Variants in EPB41L4B observed in about 807,000 individuals in gnomAD.
EPB41L4B encodes erythrocyte membrane protein band 4.1 like 4B.
In EPB41L4B, 30 loss-of-function variants were observed where a neutral mutation model predicts 112.5. The ratio of observed to expected loss-of-function variants is 0.27; its 90% confidence interval spans 0.20 to 0.36. The LOEUF is 0.36. EPB41L4B is among the 10% of genes least tolerant of loss of function. EPB41L4B has a pLI of 1.00. For missense variants in EPB41L4B, 1,024 were observed against 1,133.3 expected (o/e 0.90, Z 1.38); for synonymous variants, 408 against 439.7 (o/e 0.93, Z 0.90).
In EPB41L4B at chr9:109,258,312, A is replaced by G; in HGVS notation, c.632-15T>C. The stretch of plus-strand genomic sequence containing the variant: ...CCCAAGCTCCGCTGTAAGTTTCATA[A>G]AAGGGAGGAAAATAGGAGACATTGA... On this transcript the variant is annotated splice_polypyrimidine_tract_variant and intron_variant, in intron 6 of 25. Coordinates refer to ENST00000374566, the MANE Select transcript of EPB41L4B (RefSeq NM_019114.5). 6.2e-7 allele frequency: 1 copy of G among 1,608,732 alleles called. No individual in the cohort carries two copies. Among genetic ancestry groups the G allele is most frequent in the Non-Finnish European group, 8.5e-7 (1 of 1,176,542 alleles).
intron 15 of EPB41L4B, chr9:109,239,958 A>T: frequency 1.0e-6 from 1 of 985,432 alleles, no homozygotes; most frequent in Middle Eastern, 5.2e-4. Context: ...AGATGAAGAA[A>T]GGCATCAGCT....
intron 17 of EPB41L4B, among the ~76,000 whole-genome samples, chr9:109,209,400 C>A (rs1376161487): frequency 6.6e-6 from 1 of 151,792 alleles, no homozygotes; most frequent in African/African-American, 2.4e-5. Flanking sequence ...GTGGCTCACA[C>A]TTGTAATCCC....
rs535039767 is a variant in EPB41L4B, at chr9:109,236,417, T to A, written c.1409+7201A>T. 9.3e-5 allele frequency among the ~76,000 whole-genome samples: 14 copies of A among 150,778 alleles called. No individual in the cohort carries two copies. The South Asian group carries it at 2.7e-3, about 29-fold the overall frequency. On this transcript the variant is annotated intron_variant, in intron 15 of 25. Transcript: ENST00000374566. ...TCCATTGACTTAACATTATGCCTAT[T>A]TAAAAAAAAAAAAAAGAGTTGACCT... is the stretch of plus-strand genomic sequence containing the variant.
chr9:109,302,110 G>A (rs1339613825), intron 1 of EPB41L4B, among the ~76,000 whole-genome samples: 1 of 152,286 alleles, frequency 6.6e-6, no homozygotes, highest in South Asian at 2.1e-4. Flanking sequence ...CTGGGTAAAA[G>A]CATGTAAAAA....
intron 1 of EPB41L4B, among the ~76,000 whole-genome samples, chr9:109,307,015 G>GT (rs534923556): frequency 0.56 from 69,140 of 124,450 alleles, 18,512 homozygotes; most frequent in Middle Eastern, 0.69. Context: ...TGCTGCAGTT[G>GT]TTTTTTTTTT....
At chr9:109,193,002 C>T (rs558710232) in intron 21 of EPB41L4B, among the ~76,000 whole-genome samples, 1 of 152,276 alleles carries the variant, frequency 6.6e-6, no homozygotes, top group Admixed American at 6.5e-5. Flanking sequence ...CCTTCTGTTT[C>T]GTAAATGTTT....
Position 109,187,755 on chromosome 9 carries a change from A to G in EPB41L4B, c.2302-2150T>C, listed in dbSNP as rs530123629. ...ACAAATGACCAAGAAACATGGCCAC[A>G]CTGCCTAGAAGCCAAAATGTGTCCT... On this transcript the variant is annotated intron_variant, in intron 22 of 25. Coordinates refer to ENST00000374566, the MANE Select transcript of EPB41L4B (RefSeq NM_019114.5). 7.9e-5 allele frequency among the ~76,000 whole-genome samples: 12 copies of G among 152,344 alleles called. No homozygotes were observed. The South Asian group carries it at 1.0e-3, about 13-fold the overall frequency.
chr9:109,315,523 T>C (rs1434910713), intron 1 of EPB41L4B, among the ~76,000 whole-genome samples: 1 of 152,182 alleles, frequency 6.6e-6, no homozygotes, highest in African/African-American at 2.4e-5. Context: ...GACGTGGGGT[T>C]AGTCTTCCCT....
chr9:109,260,568 C>T (rs1298055875), intron 6 of EPB41L4B, among the ~76,000 whole-genome samples: 2 of 152,094 alleles, frequency 1.3e-5, no homozygotes, highest in African/African-American at 4.8e-5. Context: ...ATGTCCACCA[C>T]CATGCCTGGC....
At chr9:109,307,558 C>T (rs931431230) in intron 1 of EPB41L4B, among the ~76,000 whole-genome samples, 1 of 152,196 alleles carries the variant, frequency 6.6e-6, no homozygotes, top group Non-Finnish European at 1.5e-5. Context: ...GCTGATGCCA[C>T]TCAATACAGA....
At chr9:109,249,369 T>A (rs1377111035) in intron 13 of EPB41L4B, among the ~76,000 whole-genome samples, 1 of 152,064 alleles carries the variant, frequency 6.6e-6, no homozygotes, top group Admixed American at 6.6e-5. Flanking sequence ...CACAATTTCA[T>A]CCACGGCTCC....
At chr9:109,281,844 A>C (rs148836797) in intron 1 of EPB41L4B, among the ~76,000 whole-genome samples, 534 of 152,346 alleles carry the variant, frequency 3.5e-3, no homozygotes, top group Non-Finnish European at 4.7e-3. Context: ...GCAGTTCCAC[A>C]AATGGCTAAA....
At chr9:109,205,374 C>G (rs1003360946) in intron 18 of EPB41L4B, among the ~76,000 whole-genome samples, 1 of 152,180 alleles carries the variant, frequency 6.6e-6, no homozygotes, top group African/African-American at 2.4e-5. Context: ...AGATACTGCA[C>G]TTCTCCAATG....
At chr9:109,208,634 T>G (rs1030685075) in intron 17 of EPB41L4B, among the ~76,000 whole-genome samples, 4 of 152,216 alleles carry the variant, frequency 2.6e-5, no homozygotes, top group African/African-American at 9.6e-5. Context: ...GTGATCCAGT[T>G]AAGGTGAATT....
At chr9:109,197,524 C>T (rs983211886) in intron 20 of EPB41L4B, among the ~76,000 whole-genome samples, 5 of 152,146 alleles carry the variant, frequency 3.3e-5, no homozygotes, top group African/African-American at 1.2e-4. Context: ...CTGGGAAAAT[C>T]TCATCCATGG....
At chr9:109,258,408 C>G (rs1034207209) in intron 6 of EPB41L4B, 111 bp from the exon 7 acceptor site, 1 of 1,116,944 alleles carries the variant, frequency 9.0e-7, no homozygotes, top group African/African-American at 1.5e-5. Context: ...CCCCCCGCCC[C>G]AATGTATAAC....
Position 109,173,611 on chromosome 9 carries a change from C to T in EPB41L4B, c.*943G>A, listed in dbSNP as rs1165729245. 3.9e-5 allele frequency: 6 copies of T among 152,552 alleles called. No homozygotes were observed. The highest frequency in any genetic ancestry group is 2.1e-4 in the South Asian group (1 of 4,828). The allele number at this position is 152,552 out of a possible 1,614,324, so 9.4% of individuals were successfully genotyped here. The stretch of plus-strand genomic sequence containing the variant: ...GAGAAGTAAAACAAAGGAGAATGTA[C>T]ACAACGATCATAGCTATGTAAAAAT... On this transcript the variant is annotated 3_prime_UTR_variant, in exon 26 of 26. Coordinates refer to ENST00000374566, the MANE Select transcript of EPB41L4B (RefSeq NM_019114.5).
At chr9:109,187,159 C>G (rs1434598154) in intron 22 of EPB41L4B, among the ~76,000 whole-genome samples, 1 of 152,096 alleles carries the variant, frequency 6.6e-6, no homozygotes, top group Admixed American at 6.5e-5. Context: ...TCTTTTATCT[C>G]AAGAGAGTTT....
chr9:109,269,926 C>T lies in EPB41L4B; in HGVS notation c.412-1493G>A, dbSNP rs558352215. Among the ~76,000 whole-genome samples the T allele has an allele frequency of 1.2e-4, 19 of 152,262 alleles. No individual in the cohort carries two copies. In the South Asian group the frequency reaches 2.9e-3, roughly 23 times the overall value. The stretch of plus-strand genomic sequence containing the variant: ...GGAAGGGGATAAGGAAACACAAAAG[C>T]GAACAACAGATGATTGATAATACAA... On this transcript the variant is annotated intron_variant, in intron 2 of 25. Coordinates refer to ENST00000374566, the MANE Select transcript of EPB41L4B (RefSeq NM_019114.5).
Sources: gnomAD v4.1 joint callset for allele counts (sites outside exome capture counted in the v4.1 genomes callset) on GRCh38, gnomAD v4.1.1 for gene constraint, MANE v1.5 for transcripts, NCBI Gene and HGNC (gene_info 2026-07-23, HGNC 2026-07-21) for gene names.